The following ADARB1 variants were observed in gnomAD, a reference collection of about 807,000 sequenced individuals.
ADARB1 encodes the protein double-stranded RNA-specific editase 1.
Under a neutral mutation model 52.4 loss-of-function variants are expected in ADARB1, and 10 were observed. That is an observed-to-expected ratio of 0.19 (90% CI 0.12 to 0.32). The LOEUF is 0.32. Ranked by LOEUF, ADARB1 falls within the 10% of genes least tolerant of loss-of-function variation. ADARB1 has a pLI of 1.00. For synonymous variants in ADARB1, 349 were observed against 371.1 expected (o/e 0.94, Z 0.68); for missense variants, 643 against 922.3 (o/e 0.70, Z 3.92).
chr21:45,134,359 GGT>G (rs2089223771), intron 2 of ADARB1, among the ~76,000 whole-genome samples: 1 of 145,010 alleles, frequency 6.9e-6, no homozygotes, highest in African/African-American at 2.6e-5. Context: ...GCCCGACGGG[GGT>G]GTGTGCCCGA....
intron 1 of ADARB1, among the ~76,000 whole-genome samples, chr21:45,079,509 G>A (rs546365142): frequency 6.6e-6 from 1 of 152,320 alleles, no homozygotes; most frequent in African/African-American, 2.4e-5. Flanking sequence ...GCTTGTGACT[G>A]GAAGGCAGCC....
chr21:45,124,550 A>AT (rs148298251), intron 1 of ADARB1, among the ~76,000 whole-genome samples: 32 of 151,046 alleles, frequency 2.1e-4, no homozygotes, highest in African/African-American at 6.3e-4. Flanking sequence ...AATTTTCTTT[A>AT]TTTTTTTTGT....
intron 1 of ADARB1, among the ~76,000 whole-genome samples, chr21:45,075,463 C>T (rs942596463): frequency 1.3e-5 from 2 of 152,164 alleles, no homozygotes; most frequent in Admixed American, 6.5e-5. Context: ...TCCTGCGTGT[C>T]CTTCCGAGGG....
intron 8 of ADARB1, among the ~76,000 whole-genome samples, chr21:45,199,211 C>G (rs781323000): frequency 1.3e-5 from 2 of 152,170 alleles, no homozygotes; most frequent in African/African-American, 2.4e-5. Context: ...CTCTTTGTCC[C>G]GCACCATCTA....
intron 2 of ADARB1, among the ~76,000 whole-genome samples, chr21:45,129,160 C>G (rs775702624): frequency 1.1e-4 from 16 of 151,848 alleles, no homozygotes; most frequent in Non-Finnish European, 2.1e-4. Context: ...ACCCGGGAGG[C>G]AGAGGCTGCA....
At chr21:45,156,643 T>A (rs1483040184) in intron 2 of ADARB1, among the ~76,000 whole-genome samples, 1 of 151,272 alleles carries the variant, frequency 6.6e-6, no homozygotes. Flanking sequence ...TCAGCCATCA[T>A]CTGTCATCCA....
chr21:45,204,855 T>A lies in ADARB1; in HGVS notation c.1747+119T>A. 1.7e-6 allele frequency: 2 copies of A among 1,162,768 alleles called. No individual in the cohort carries two copies. Among genetic ancestry groups the A allele is most frequent in the Non-Finnish European group, 2.4e-6 (2 of 837,062 alleles). 72.0% of individuals were successfully genotyped at this position (1,162,768 alleles called of 1,614,324 possible). On this transcript the variant is annotated intron_variant, in intron 9 of 10. Transcript: ENST00000348831. The surrounding 1 kb of genome is among the most constrained non-coding windows in gnomAD (Gnocchi z 4.4). ...TGTGGCTATCAAAAGAACATCAGAGTCCTTCTAAAGAGACCCAAGGTGATG... is the reference window on the plus strand; with the variant it reads ...TGTGGCTATCAAAAGAACATCAGAGACCTTCTAAAGAGACCCAAGGTGATG...
At chr21:45,198,594 G>A (rs184395275) in intron 8 of ADARB1, among the ~76,000 whole-genome samples, 1 of 152,178 alleles carries the variant, frequency 6.6e-6, no homozygotes, top group East Asian at 1.9e-4. Context: ...GAAGTGGTTG[G>A]CCCAGACAAC....
At chr21:45,143,386 C>T (rs1328730328) in intron 2 of ADARB1, among the ~76,000 whole-genome samples, 1 of 152,242 alleles carries the variant, frequency 6.6e-6, no homozygotes, top group Non-Finnish European at 1.5e-5. Flanking sequence ...TCCTTCCTTC[C>T]AGGCTCTCAG....
chr21:45,140,328 A>G (rs954586808), intron 2 of ADARB1, among the ~76,000 whole-genome samples: 6 of 152,226 alleles, frequency 3.9e-5, no homozygotes, highest in African/African-American at 1.4e-4. Context: ...CCCCGTGCAG[A>G]TGTCCTACCC....
chr21:45,211,191 T>G (rs188483787), intron 9 of ADARB1, among the ~76,000 whole-genome samples: 16 of 152,280 alleles, frequency 1.1e-4, no homozygotes, highest in Admixed American at 9.8e-4. Flanking sequence ...TCTAATGGCT[T>G]GTGTTTATTT....
chr21:45,133,052 T>C (rs539456211), intron 2 of ADARB1, among the ~76,000 whole-genome samples: 17 of 152,374 alleles, frequency 1.1e-4, no homozygotes, highest in Admixed American at 9.8e-4. Flanking sequence ...TTCACAGTCA[T>C]GTGCTTCTGG....
intron 1 of ADARB1, among the ~76,000 whole-genome samples, chr21:45,080,469 C>A (rs1440892745): frequency 3.3e-5 from 5 of 152,126 alleles, no homozygotes; most frequent in Admixed American, 3.3e-4. Context: ...ACGTGGGAGC[C>A]TGGACTCAGA....
chr21:45,119,338 A>G (rs556482030), intron 1 of ADARB1, among the ~76,000 whole-genome samples: 1 of 152,066 alleles, frequency 6.6e-6, no homozygotes, highest in East Asian at 1.9e-4. Flanking sequence ...CCATCCTCCC[A>G]CCTTGGCCTC....
intron 1 of ADARB1, among the ~76,000 whole-genome samples, chr21:45,110,775 T>G (rs1032690353): frequency 1.3e-5 from 2 of 152,218 alleles, no homozygotes; most frequent in African/African-American, 4.8e-5. Context: ...TTTAATCAGA[T>G]CTCATGGACA....
chr21:45,148,884 C>T (rs563893803), intron 2 of ADARB1, among the ~76,000 whole-genome samples: 8 of 152,334 alleles, frequency 5.3e-5, no homozygotes, highest in Non-Finnish European at 1.0e-4. Context: ...TAGGCTGTCT[C>T]GTCCCTGACT....
chr21:45,140,711 AT>A (rs1299546761), intron 2 of ADARB1, among the ~76,000 whole-genome samples: 7 of 152,192 alleles, frequency 4.6e-5, no homozygotes, highest in South Asian at 2.1e-4. Context: ...CCCTGGCTTC[AT>A]TTTTACCATT....
intron 2 of ADARB1, among the ~76,000 whole-genome samples, chr21:45,158,460 A>G (rs2090784486): frequency 6.6e-6 from 1 of 152,216 alleles, no homozygotes; most frequent in Non-Finnish European, 1.5e-5. Context: ...AGTATGTTGT[A>G]GTAGTGATAA....
intron 5 of ADARB1, among the ~76,000 whole-genome samples, chr21:45,181,703 A>G (rs1433649106): frequency 6.6e-6 from 1 of 152,232 alleles, no homozygotes; most frequent in Non-Finnish European, 1.5e-5. Context: ...GCTCAGAGCC[A>G]TAGTTTACAT....
Sources: allele counts gnomAD v4.1 joint callset (sites outside exome capture counted in the v4.1 genomes callset), GRCh38; gene constraint gnomAD v4.1.1; non-coding constraint Gnocchi (gnomAD v3.1); transcripts MANE v1.5; gene names NCBI Gene and HGNC (gene_info 2026-07-23, HGNC 2026-07-21).